NCAM1: variants seen among roughly 807,000 people sequenced by gnomAD.
NCAM1 encodes neural cell adhesion molecule 1.
A neutral mutation model predicts 109.8 loss-of-function variants in NCAM1; 14 were observed. That is an observed-to-expected ratio of 0.13 (90% CI 0.08 to 0.20). NCAM1 has a LOEUF of 0.20. Among genes scored for constraint, NCAM1 ranks in the 10% least tolerant of loss-of-function variants. The probability of loss-of-function intolerance (pLI) is 1.00; values close to 1 mark genes in which losing one functional copy is unlikely to be tolerated. For missense variants in NCAM1, 774 were observed against 1,109.9 expected (o/e 0.70, Z 4.30); for synonymous variants, 418 against 442.9 (o/e 0.94, Z 0.70).
At chr11:113,181,658 G>A (rs927098338) in intron 1 of NCAM1, among the ~76,000 whole-genome samples, 2 of 152,038 alleles carry the variant, frequency 1.3e-5, no homozygotes, top group African/African-American at 2.4e-5. Flanking sequence ...CGTCCTGCAC[G>A]TGTACCCTGG....
At chr11:113,143,928 A>G (rs1941923205) in intron 1 of NCAM1, among the ~76,000 whole-genome samples, 2 of 152,234 alleles carry the variant, frequency 1.3e-5, no homozygotes, top group African/African-American at 4.8e-5. Flanking sequence ...ATAAACAAGT[A>G]GAGATCCATG....
intron 1 of NCAM1, among the ~76,000 whole-genome samples, chr11:113,174,619 C>T (rs955879614): frequency 2.0e-5 from 3 of 152,168 alleles, no homozygotes; most frequent in Non-Finnish European, 4.4e-5. Context: ...CATCTGACCA[C>T]CCATGGCTAG....
At chr11:113,048,224 A>G (rs1555081161) in intron 1 of NCAM1, among the ~76,000 whole-genome samples, 1 of 152,322 alleles carries the variant, frequency 6.6e-6, no homozygotes, top group East Asian at 1.9e-4. Context: ...TTGGATTGGC[A>G]TTGCTATCTG....
Position 113,150,193 on chromosome 11 carries a change from A to G in NCAM1, c.53-52186A>G, listed in dbSNP as rs559222424. ...GTAAATCTCTCTTTTAGGAAAGACCAATTTTGGTGAATTTATCTGTGAGTT... is the reference window on the plus strand; with the variant it reads ...GTAAATCTCTCTTTTAGGAAAGACCGATTTTGGTGAATTTATCTGTGAGTT... On this transcript the variant is annotated intron_variant, in intron 1 of 19. Coordinates refer to ENST00000316851, the MANE Select transcript of NCAM1 (RefSeq NM_181351.5). Among the ~76,000 whole-genome samples the G allele has an allele frequency of 9.2e-5, 14 of 152,366 alleles. No homozygotes were observed. In the South Asian group the frequency reaches 2.9e-3, roughly 32 times the overall value.
In NCAM1 at chr11:113,221,513, G is replaced by T; in HGVS notation, c.1089+188G>T. 7.4e-6 allele frequency: 4 copies of T among 536,946 alleles called. No individual in the cohort carries two copies. The South Asian group carries it at 1.1e-4, about 15-fold the overall frequency. 33.3% of individuals were successfully genotyped at this position (536,946 alleles called of 1,614,324 possible). The stretch of plus-strand genomic sequence containing the variant: ...GAGCAAGCAAGCTGTGTTGGGAGTG[G>T]ATGAACAAATCCATATTATTTCCTA... On this transcript the variant is annotated intron_variant, in intron 9 of 19. Coordinates refer to ENST00000316851, the MANE Select transcript of NCAM1 (RefSeq NM_181351.5).
At chr11:113,017,744 TATACACAAA>T (rs1239270194) in intron 1 of NCAM1, among the ~76,000 whole-genome samples, 1 of 151,950 alleles carries the variant, frequency 6.6e-6, no homozygotes, top group Non-Finnish European at 1.5e-5. Context: ...AGGAATACTG[TATACACAAA>T]ATGCATGAGG....
intron 1 of NCAM1, among the ~76,000 whole-genome samples, chr11:113,020,753 T>C (rs1391474840): frequency 1.3e-5 from 2 of 151,806 alleles, no homozygotes; most frequent in Non-Finnish European, 2.9e-5. Flanking sequence ...TTCTGCTGTT[T>C]ATTATTATTA....
intron 14 of NCAM1, among the ~76,000 whole-genome samples, chr11:113,236,805 T>A (rs782070266): frequency 6.6e-6 from 1 of 152,246 alleles, no homozygotes; most frequent in African/African-American, 2.4e-5. Context: ...GCTCAGTTGC[T>A]TCCTTGCTTC....
chr11:112,998,890 C>T (rs967634280), intron 1 of NCAM1, among the ~76,000 whole-genome samples: 4 of 152,176 alleles, frequency 2.6e-5, no homozygotes, highest in Admixed American at 6.5e-5. Flanking sequence ...AATAAAGTAA[C>T]GTGTTTTAAA....
chr11:113,079,607 T>C (rs1555086803), intron 1 of NCAM1, among the ~76,000 whole-genome samples: 1 of 152,246 alleles, frequency 6.6e-6, no homozygotes, highest in African/African-American at 2.4e-5. Context: ...CATGGAGATG[T>C]AGAGTTTTTG....
intron 1 of NCAM1, among the ~76,000 whole-genome samples, chr11:113,072,989 A>G (rs965794476): frequency 6.6e-6 from 1 of 151,450 alleles, no homozygotes; most frequent in Non-Finnish European, 1.5e-5. Flanking sequence ...TAAAACCAAA[A>G]CTCTATACCC....
At chr11:113,036,837 C>T (rs1952905904) in intron 1 of NCAM1, among the ~76,000 whole-genome samples, 2 of 152,082 alleles carry the variant, frequency 1.3e-5, no homozygotes, top group South Asian at 2.1e-4. Context: ...CTGTAGGTCC[C>T]GGGGGCACCC....
Position 113,207,936 on chromosome 11 carries a change from G to C in NCAM1, c.850G>C (p.Glu284Gln). The stretch of plus-strand genomic sequence containing the variant: ...AAAGGTGGATAAGAACGACGAGGCT[G>C]AGTACATCTGCATTGCTGAGAACAA... ...IKKVDKNDEA[E>Q]YICIAENKAG... The change falls in exon 7 of 20, where the codon GAG (glutamate) becomes CAG (glutamine). Residue 284 changes from glutamate (E) to glutamine (Q), a missense_variant. Physicochemically the swap from Glu to Gln is conservative, Grantham distance 29. Coordinates refer to ENST00000316851, the MANE Select transcript of NCAM1 (RefSeq NM_181351.5). The C allele has an allele frequency of 1.2e-6, 2 of 1,612,610 alleles. No individual in the cohort carries two copies. The highest frequency in any genetic ancestry group is 1.7e-6 in the Non-Finnish European group (2 of 1,179,342).
intron 9 of NCAM1, among the ~76,000 whole-genome samples, chr11:113,224,130 G>A (rs900651040): frequency 7.2e-5 from 11 of 152,214 alleles, no homozygotes; most frequent in South Asian, 2.1e-4. Context: ...GAAGCAGGGC[G>A]AGGCATCACC....
chr11:113,253,110 G>A (rs1025837224), intron 15 of NCAM1, among the ~76,000 whole-genome samples: 5 of 151,834 alleles, frequency 3.3e-5, no homozygotes, highest in African/African-American at 4.8e-5. Context: ...GCTTTTCTCC[G>A]ATTCAAATTA....
chr11:113,065,767 C>A (rs1019421981), intron 1 of NCAM1, among the ~76,000 whole-genome samples: 1 of 152,022 alleles, frequency 6.6e-6, no homozygotes, highest in Non-Finnish European at 1.5e-5. Flanking sequence ...TAATATGATA[C>A]CCTGGATAGG....
intron 1 of NCAM1, among the ~76,000 whole-genome samples, chr11:113,037,220 G>A (rs1952915505): frequency 6.6e-6 from 1 of 152,152 alleles, no homozygotes; most frequent in Non-Finnish European, 1.5e-5. Flanking sequence ...AATTTAGAGA[G>A]GACGTTATTA....
chr11:113,032,297 G>T (rs554249111), intron 1 of NCAM1, among the ~76,000 whole-genome samples: 112 of 152,188 alleles, frequency 7.4e-4, no homozygotes, highest in African/African-American at 2.7e-3. Context: ...CTTTGTTCAG[G>T]GTATGCCATC....
At position 113,031,609 on chromosome 11, in the gene NCAM1, T is replaced by C. The variant is rs537572448; in HGVS notation, c.52+69945T>C. Among the ~76,000 whole-genome samples, 5 of 152,108 alleles carry C rather than the reference T, an allele frequency of 3.3e-5. 1 individual carries two copies. The highest frequency in any genetic ancestry group is 1.2e-4 in the African/African-American group (5 of 41,504). ...CGGGAGGCTGAGGCAGGAGAATTGCTTGAACCCAGGAGGTGGAGGTTGCAG... is the reference window on the plus strand; with the variant it reads ...CGGGAGGCTGAGGCAGGAGAATTGCCTGAACCCAGGAGGTGGAGGTTGCAG... On this transcript the variant is annotated intron_variant, in intron 1 of 19. Transcript: ENST00000316851.
Sources: gnomAD v4.1 joint callset for allele counts (sites outside exome capture counted in the v4.1 genomes callset) on GRCh38, gnomAD v4.1.1 for gene constraint, MANE v1.5 for transcripts, NCBI Gene and HGNC (gene_info 2026-07-23, HGNC 2026-07-21) for gene names.